Variants in PAX2 observed in about 807,000 individuals in gnomAD.
The protein encoded by PAX2 is paired box 2.
Under a neutral mutation model 41.7 loss-of-function variants are expected in PAX2, and 9 were observed. The observed-to-expected ratio is 0.22, with a 90% CI of 0.13 to 0.38. The LOEUF is 0.38. PAX2 is among the 10% of genes least tolerant of loss of function. The probability of loss-of-function intolerance (pLI) is 1.00; values close to 1 mark genes in which losing one functional copy is unlikely to be tolerated. For synonymous variants in PAX2, 221 were observed against 212.7 expected (o/e 1.04, Z -0.34); for missense variants, 418 against 531.6 (o/e 0.79, Z 2.10).
chr10:100,781,222 C>G, intron 4 of PAX2, 24 bp from the exon 5 acceptor site: 3 of 1,613,760 alleles, frequency 1.9e-6, no homozygotes, highest in Non-Finnish European at 1.7e-6. Context: ...ATCCTGATGC[C>G]ATTTCCTCCT....
chr10:100,787,078 A>G, intron 5 of PAX2: 1 of 899,820 alleles, frequency 1.1e-6, no homozygotes, highest in African/African-American at 1.7e-5. Context: ...CGGTTAGAGA[A>G]CATTCAGAGA....
upstream of PAX2, among the ~76,000 whole-genome samples, chr10:100,743,339 T>G (rs1354290371): frequency 1.3e-5 from 2 of 152,066 alleles, no homozygotes; most frequent in Non-Finnish European, 2.9e-5. Context: ...CATGTGAAAA[T>G]GCTTGTTGTG....
At chr10:100,799,789 C>CTTTTTTTTTTTTTTTTTTTTTTT (rs56012188) in intron 5 of PAX2, among the ~76,000 whole-genome samples, 2 of 89,898 alleles carry the variant, frequency 2.2e-5, no homozygotes, top group African/African-American at 3.7e-5. Context: ...TAGTGTAATT[C>CTTTTTTTTTTTTTTTTTTTTTTT]TTTTTTTTTT....
At chr10:100,781,469 A>G in intron 5 of PAX2, 104 bp downstream of exon 5, 5 of 1,237,436 alleles carry the variant, frequency 4.0e-6, no homozygotes, top group Non-Finnish European at 6.0e-6. Context: ...TGTGAGATCA[A>G]TTTTAGTAGC....
intron 1 of PAX2, among the ~76,000 whole-genome samples, chr10:100,739,633 T>C (rs1036450718): frequency 6.6e-6 from 1 of 152,180 alleles, no homozygotes; most frequent in Non-Finnish European, 1.5e-5. Flanking sequence ...TCTCCCAGCC[T>C]CTGGAGTGTG....
Position 100,829,067 on chromosome 10 carries a change from TGGGGGAGG to T in PAX2, c.*1453_*1460del. 4.4e-6 allele frequency: 1 copy of T among 227,044 alleles called. No individual in the cohort carries two copies. Among genetic ancestry groups the T allele is most frequent in the Non-Finnish European group, 8.7e-6 (1 of 114,338 alleles). The allele number at this position is 227,044 out of a possible 1,614,324, so 14.1% of individuals were successfully genotyped here. On this transcript the variant is annotated 3_prime_UTR_variant, in exon 10 of 10. Coordinates refer to ENST00000355243, the MANE Select transcript of PAX2 (RefSeq NM_000278.5). Reference sequence around the variant, plus strand: ...ACGCCCATTAAAGCACAGCACGTCCTGGGGGAGGGGGGCATTTTTTATGTTACAAAAAA... The same window carrying T: ...ACGCCCATTAAAGCACAGCACGTCCTGGGGCATTTTTTATGTTACAAAAAA...
chr10:100,743,114 G>A (rs187760476), upstream of PAX2, among the ~76,000 whole-genome samples: 1 of 152,072 alleles, frequency 6.6e-6, no homozygotes, highest in African/African-American at 2.4e-5. Context: ...CCAGGAGCCG[G>A]CCTGGCGGAA....
At chr10:100,798,737 T>C (rs10748799) in intron 5 of PAX2, among the ~76,000 whole-genome samples, 115,161 of 151,636 alleles carry the variant, frequency 0.76, 44,409 homozygotes, top group East Asian at 0.91. Flanking sequence ...CCCTTGTGAC[T>C]CCCCCACCCA....
At chr10:100,737,965 G>A (rs1332712702) in intron 1 of PAX2, among the ~76,000 whole-genome samples, 1 of 152,256 alleles carries the variant, frequency 6.6e-6, no homozygotes, top group Non-Finnish European at 1.5e-5. Context: ...GATTGAATCA[G>A]CAACTAGGGC....
intron 5 of PAX2, among the ~76,000 whole-genome samples, chr10:100,784,928 T>C (rs1283902684): frequency 6.6e-6 from 1 of 152,086 alleles, no homozygotes; most frequent in African/African-American, 2.4e-5. Context: ...TTGACCCTCA[T>C]CCCAAGAGCC....
At chr10:100,794,432 T>A (rs1847250235) in intron 5 of PAX2, among the ~76,000 whole-genome samples, 1 of 152,162 alleles carries the variant, frequency 6.6e-6, no homozygotes, top group Non-Finnish European at 1.5e-5. Context: ...AGCTCTCCAT[T>A]TGACACCCTC....
Position 100,824,790 on chromosome 10 carries a change from A to G in PAX2, c.1021+41A>G, listed in dbSNP as rs1289301631. The G allele has an allele frequency of 2.6e-6, 4 of 1,517,000 alleles. No individual in the cohort carries two copies. Among genetic ancestry groups the G allele is most frequent in the Admixed American group, 1.7e-5 (1 of 59,796 alleles). 94.0% of individuals were successfully genotyped at this position (1,517,000 alleles called of 1,614,324 possible). ...GCAGCTGCCTAATCTAGGTGGGGGG[A>G]ACTAAATTGTGGGTGAGCTGCTGAA... On this transcript the variant is annotated intron_variant, in intron 8 of 9. Coordinates refer to ENST00000355243, the MANE Select transcript of PAX2 (RefSeq NM_000278.5). The surrounding 1 kb of genome is among the most constrained non-coding windows in gnomAD (Gnocchi z 6.6).
chr10:100,827,023 G>C lies in PAX2; in HGVS notation c.1036G>C (p.Gly346Arg). 6.2e-7 allele frequency: 1 copy of C among 1,613,454 alleles called. No homozygotes were observed. Among genetic ancestry groups the C allele is most frequent in the Non-Finnish European group, 8.5e-7 (1 of 1,179,438 alleles). The change falls in exon 9 of 10, where the codon GGC becomes CGC. Residue 346 changes from glycine to arginine, a missense_variant. This residue lies in a region of PAX2 where 310 missense variants were observed against 325.2 expected (regional missense o/e 0.95). Coordinates refer to ENST00000355243, the MANE Select transcript of PAX2 (RefSeq NM_000278.5). The surrounding 1 kb of genome is among the most constrained non-coding windows in gnomAD (Gnocchi z 8.5). Reference protein sequence around the residue: ...AGMVPGSEFSGNPYSHPQYTA... With the variant: ...AGMVPGSEFSRNPYSHPQYTA... Reference sequence around the variant, plus strand: ...CCCTCCCGCAGGGAGCGAGTTCTCCGGCAACCCGTACAGCCACCCCCAGTA... The same window carrying C: ...CCCTCCCGCAGGGAGCGAGTTCTCCCGCAACCCGTACAGCCACCCCCAGTA...
chr10:100,780,503 C>T (rs1012381675), intron 4 of PAX2, among the ~76,000 whole-genome samples: 9 of 151,966 alleles, frequency 5.9e-5, no homozygotes, highest in African/African-American at 2.2e-4. Flanking sequence ...TTGGCAGGAG[C>T]TGTTGTTTAC....
intron 5 of PAX2, among the ~76,000 whole-genome samples, chr10:100,805,246 G>A (rs775678254): frequency 1.2e-4 from 19 of 152,142 alleles, no homozygotes; most frequent in Non-Finnish European, 2.6e-4. Flanking sequence ...ACTGTATGGT[G>A]TTACTGTATA....
chr10:100,776,071 C>T (rs568140980), intron 3 of PAX2, among the ~76,000 whole-genome samples: 2 of 152,344 alleles, frequency 1.3e-5, no homozygotes, highest in East Asian at 3.9e-4. Flanking sequence ...ACTTCAGTCT[C>T]TTCCTCTTCA....
At chr10:100,784,868 T>C (rs998991946) in intron 5 of PAX2, among the ~76,000 whole-genome samples, 3 of 152,158 alleles carry the variant, frequency 2.0e-5, no homozygotes, top group Admixed American at 2.0e-4. Context: ...TTTGAGAGTA[T>C]GGAAAACACC....
intron 1 of PAX2, 123 bp downstream of exon 1, chr10:100,746,426 T>A: frequency 1.3e-6 from 1 of 778,238 alleles, no homozygotes; most frequent in Non-Finnish European, 2.4e-6. Context: ...TGGCTTCTGG[T>A]CCCTCTTTTC....
intron 3 of PAX2, among the ~76,000 whole-genome samples, chr10:100,775,608 C>G (rs1414717191): frequency 6.6e-6 from 1 of 152,204 alleles, no homozygotes; most frequent in Non-Finnish European, 1.5e-5. Flanking sequence ...GTCAGAGGCT[C>G]TGGGTAACAA....
Sources: allele counts gnomAD v4.1 joint callset (sites outside exome capture counted in the v4.1 genomes callset), GRCh38; gene constraint gnomAD v4.1.1; regional missense constraint gnomAD v4.1.1; non-coding constraint Gnocchi (gnomAD v3.1); transcripts MANE v1.5; gene names NCBI Gene and HGNC (gene_info 2026-07-23, HGNC 2026-07-21).